The following ADGRB3 variants were observed in gnomAD, a reference collection of about 807,000 sequenced individuals.
The protein encoded by ADGRB3 is adhesion G protein-coupled receptor B3.
In ADGRB3, 37 loss-of-function variants were observed where a neutral mutation model predicts 193.4. That is an observed-to-expected ratio of 0.19 (90% CI 0.15 to 0.25). The LOEUF (loss-of-function observed/expected upper bound fraction) is 0.25. Among genes scored for constraint, ADGRB3 ranks in the 10% least tolerant of loss-of-function variants. ADGRB3 has a pLI of 1.00. For synonymous variants in ADGRB3, 690 were observed against 644.2 expected (o/e 1.07, Z -1.08); for missense variants, 1,637 against 1,852.9 (o/e 0.88, Z 2.14).
chr6:68,639,403 C>T lies in ADGRB3; in HGVS notation c.728C>T (p.Thr243Ile), dbSNP rs1440540070. ...CAAACCACCCAAGTCTGCAATCTTA[C>T]CAGGGAGGCCAAGCGACCACCCAAA... ...ELQTTQVCNL[T>I]REAKRPPKEE... The change falls in exon 3 of 32, where the codon ACC becomes ATC. Residue 243 changes from threonine to isoleucine, a missense_variant. Physicochemically the swap from Thr to Ile is moderately conservative, Grantham distance 89. Coordinates refer to ENST00000370598, the MANE Select transcript of ADGRB3 (RefSeq NM_001704.3). The T allele has an allele frequency of 3.1e-6, 5 of 1,611,078 alleles. No homozygotes were observed. The highest frequency in any genetic ancestry group is 2.2e-5 in the South Asian group (2 of 90,894).
intron 17 of ADGRB3, among the ~76,000 whole-genome samples, chr6:69,173,777 A>G (rs184467036): frequency 5.6e-4 from 85 of 152,310 alleles, no homozygotes; most frequent in African/African-American, 1.9e-3. Context: ...GTCAGAGAAT[A>G]AGATTGTGTG....
At chr6:69,224,662 A>C (rs1765970702) in intron 17 of ADGRB3, among the ~76,000 whole-genome samples, 1 of 152,194 alleles carries the variant, frequency 6.6e-6, no homozygotes, top group Non-Finnish European at 1.5e-5. Flanking sequence ...TTGATGTTTT[A>C]TTAAACACAT....
intron 17 of ADGRB3, among the ~76,000 whole-genome samples, chr6:69,193,185 A>C (rs1036741557): frequency 1.3e-5 from 2 of 151,986 alleles, no homozygotes; most frequent in African/African-American, 4.8e-5. Flanking sequence ...TCTTACAGTA[A>C]ATTTCCCTCT....
At chr6:69,225,818 C>G (rs2127252785) in intron 17 of ADGRB3, among the ~76,000 whole-genome samples, 1 of 152,240 alleles carries the variant, frequency 6.6e-6, no homozygotes, top group South Asian at 2.1e-4. Flanking sequence ...GTGTGTTATT[C>G]ACCACAACAC....
chr6:68,760,024 G>A (rs1188872502), intron 3 of ADGRB3, among the ~76,000 whole-genome samples: 1 of 151,878 alleles, frequency 6.6e-6, no homozygotes, highest in Non-Finnish European at 1.5e-5. Context: ...CCCTTAACTT[G>A]GAAAATTACA....
chr6:69,154,640 A>G (rs1009972708), intron 17 of ADGRB3, among the ~76,000 whole-genome samples: 1 of 152,190 alleles, frequency 6.6e-6, no homozygotes, highest in Admixed American at 6.5e-5. Context: ...TACCTCCCAC[A>G]TAGCACATGG....
intron 17 of ADGRB3, among the ~76,000 whole-genome samples, chr6:69,137,863 T>C (rs1277427995): frequency 6.6e-6 from 1 of 152,196 alleles, no homozygotes; most frequent in Non-Finnish European, 1.5e-5. Flanking sequence ...GATACCTTTC[T>C]CTGCCTCATG....
At chr6:68,677,510 TTTC>T (rs1043519974) in intron 3 of ADGRB3, among the ~76,000 whole-genome samples, 2 of 137,788 alleles carry the variant, frequency 1.5e-5, no homozygotes, top group African/African-American at 5.2e-5. Context: ...TTTTCTTTTT[TTTC>T]TTTTTTTCTT....
intron 3 of ADGRB3, among the ~76,000 whole-genome samples, chr6:68,799,408 A>G (rs755151049): frequency 1.3e-5 from 2 of 152,184 alleles, no homozygotes; most frequent in African/African-American, 4.8e-5. Context: ...TTGGGGAGAA[A>G]GAGTTATTCA....
At chr6:68,923,244 T>A (rs1582318271) in intron 3 of ADGRB3, among the ~76,000 whole-genome samples, 1 of 152,176 alleles carries the variant, frequency 6.6e-6, no homozygotes, top group Non-Finnish European at 1.5e-5. Flanking sequence ...AGATTCTCTT[T>A]TAATAAAGCA....
intron 3 of ADGRB3, among the ~76,000 whole-genome samples, chr6:68,695,405 C>T (rs976277601): frequency 6.6e-6 from 1 of 151,988 alleles, no homozygotes; most frequent in Non-Finnish European, 1.5e-5. Flanking sequence ...ACTCATTTAC[C>T]ACTAATGGGA....
chr6:68,777,057 A>G (rs1766760644), intron 3 of ADGRB3, among the ~76,000 whole-genome samples: 4 of 152,152 alleles, frequency 2.6e-5, no homozygotes, highest in Admixed American at 2.6e-4. Context: ...AAACTGATTT[A>G]ATATACAATG....
At chr6:68,820,698 A>T (rs931416696) in intron 3 of ADGRB3, among the ~76,000 whole-genome samples, 23 of 151,964 alleles carry the variant, frequency 1.5e-4, no homozygotes, top group African/African-American at 5.3e-4. Flanking sequence ...CTATCTCAGT[A>T]AGTTCGTTTT....
chr6:69,131,783 C>A (rs1057044065), intron 17 of ADGRB3, among the ~76,000 whole-genome samples: 5 of 151,730 alleles, frequency 3.3e-5, no homozygotes, highest in African/African-American at 9.7e-5. Flanking sequence ...CCTAGCCCCC[C>A]ACCCCCTGAC....
chr6:68,952,380 T>TTA (rs1181344659), intron 6 of ADGRB3, among the ~76,000 whole-genome samples: 2 of 151,942 alleles, frequency 1.3e-5, no homozygotes, highest in East Asian at 1.9e-4. Context: ...ACATGTGTGT[T>TTA]TATATATATA....
chr6:69,304,110 G>T (rs1768011922), intron 20 of ADGRB3, among the ~76,000 whole-genome samples: 1 of 151,354 alleles, frequency 6.6e-6, no homozygotes, highest in African/African-American at 2.4e-5. Context: ...AAAAAAAGAG[G>T]TTATATAATT....
chr6:68,719,409 A>G (rs911757629), intron 3 of ADGRB3, among the ~76,000 whole-genome samples: 1 of 151,782 alleles, frequency 6.6e-6, no homozygotes, highest in African/African-American at 2.4e-5. Context: ...GTAGTTAGTG[A>G]CCACCATATT....
chr6:68,778,014 G>A (rs901906056), intron 3 of ADGRB3, among the ~76,000 whole-genome samples: 1 of 152,076 alleles, frequency 6.6e-6, no homozygotes, highest in Non-Finnish European at 1.5e-5. Flanking sequence ...TTAAGTTTCA[G>A]TATGTAAAAG....
intron 3 of ADGRB3, among the ~76,000 whole-genome samples, chr6:68,728,692 A>G (rs1765718531): frequency 1.3e-5 from 2 of 151,598 alleles, no homozygotes; most frequent in Admixed American, 6.6e-5. Flanking sequence ...AGGGACTATC[A>G]TTAGCCCTTT....
Sources: allele counts gnomAD v4.1 joint callset (sites outside exome capture counted in the v4.1 genomes callset), GRCh38; gene constraint gnomAD v4.1.1; transcripts MANE v1.5; gene names NCBI Gene and HGNC (gene_info 2026-07-23, HGNC 2026-07-21).